Variants in GPC5 observed in about 807,000 individuals in gnomAD.
The protein encoded by GPC5 is glypican 5, also known as glypican-5.
A neutral mutation model predicts 53.9 loss-of-function variants in GPC5; 47 were observed. The ratio of observed to expected loss-of-function variants is 0.87; its 90% CI spans 0.69 to 1.11. The LOEUF is 1.11. Ranked by LOEUF, GPC5 falls within the 50% of genes most tolerant of loss-of-function variation. The pLI, the probability that GPC5 is intolerant of heterozygous loss-of-function variation, is 0.00. For synonymous variants in GPC5, 286 were observed against 263.3 expected (o/e 1.09, Z -0.84); for missense variants, 748 against 713.1 (o/e 1.05, Z -0.56).
intron 3 of GPC5, among the ~76,000 whole-genome samples, chr13:91,722,310 C>T (rs1170712743): frequency 6.6e-6 from 1 of 152,142 alleles, no homozygotes; most frequent in Non-Finnish European, 1.5e-5. Flanking sequence ...GGCCCTGCAG[C>T]CTCAGCCTGG....
intron 6 of GPC5, among the ~76,000 whole-genome samples, chr13:91,977,947 T>TAAAAAA (rs1413529700): frequency 1.1e-5 from 1 of 92,704 alleles, no homozygotes; most frequent in African/African-American, 5.5e-5. Context: ...CCGCCATCTC[T>TAAAAAA]AAAAGAAAAA....
intron 7 of GPC5, among the ~76,000 whole-genome samples, chr13:92,291,743 T>C (rs2042997897): frequency 6.6e-6 from 1 of 152,176 alleles, no homozygotes; most frequent in Admixed American, 6.5e-5. Context: ...CTTTATGAGC[T>C]GTAACACTCA....
intron 6 of GPC5, among the ~76,000 whole-genome samples, chr13:92,006,592 T>A (rs1176881502): frequency 6.6e-6 from 1 of 152,194 alleles, no homozygotes; most frequent in Non-Finnish European, 1.5e-5. Flanking sequence ...CCAAGTAAAC[T>A]CTTGATCTTG....
At chr13:92,715,231 C>T (rs1888289573) in intron 7 of GPC5, among the ~76,000 whole-genome samples, 1 of 152,136 alleles carries the variant, frequency 6.6e-6, no homozygotes, top group Non-Finnish European at 1.5e-5. Flanking sequence ...AGACTTGACT[C>T]GTCTTTTCTA....
intron 1 of GPC5, among the ~76,000 whole-genome samples, chr13:91,441,460 G>T (rs1341188404): frequency 6.6e-6 from 1 of 152,192 alleles, no homozygotes; most frequent in African/African-American, 2.4e-5. Flanking sequence ...GGTGACTGGA[G>T]AAACTATGGT....
At chr13:92,218,618 C>G (rs758925685) in intron 7 of GPC5, among the ~76,000 whole-genome samples, 1 of 152,230 alleles carries the variant, frequency 6.6e-6, no homozygotes, top group Non-Finnish European at 1.5e-5. Context: ...CCTTAAAGGT[C>G]CATAAAAATC....
chr13:92,236,229 G>T lies in GPC5; in HGVS notation c.1561+91240G>T, dbSNP rs9560992. Among the ~76,000 whole-genome samples the T allele has an allele frequency of 6.0e-3, 904 of 151,746 alleles. 15 individuals are homozygous for T. The highest frequency in any genetic ancestry group is 0.042 in the South Asian group (199 of 4,790). On this transcript the variant is annotated intron_variant, in intron 7 of 7. Coordinates refer to ENST00000377067, the MANE Select transcript of GPC5 (RefSeq NM_004466.6). ...GTACTATTGTTTTAAATATAATTTG[G>T]GTAATATTACTTAGTTTGTTATTTG...
chr13:92,379,682 C>G, intron 7 of GPC5, among the ~76,000 whole-genome samples: 1 of 151,878 alleles, frequency 6.6e-6, no homozygotes, highest in South Asian at 2.1e-4. Context: ...TAGTTCCTCT[C>G]TGTGCCCCCT....
intron 7 of GPC5, among the ~76,000 whole-genome samples, chr13:92,311,550 C>T (rs978726024): frequency 3.3e-5 from 5 of 152,160 alleles, no homozygotes; most frequent in African/African-American, 1.2e-4. Flanking sequence ...AATTGACTCA[C>T]AGTGAAGCAT....
intron 7 of GPC5, among the ~76,000 whole-genome samples, chr13:92,621,148 T>C (rs889616865): frequency 2.6e-5 from 4 of 152,098 alleles, no homozygotes; most frequent in Admixed American, 2.0e-4. Context: ...GTTGTAAGAA[T>C]GAGAAAAGAT....
intron 7 of GPC5, among the ~76,000 whole-genome samples, chr13:92,571,883 A>G (rs1186717991): frequency 1.3e-5 from 2 of 152,128 alleles, no homozygotes; most frequent in Admixed American, 6.5e-5. Flanking sequence ...TACAAAAACT[A>G]GAAAAATTAA....
At chr13:91,944,518 G>T (rs1312578715) in intron 6 of GPC5, among the ~76,000 whole-genome samples, 2 of 152,104 alleles carry the variant, frequency 1.3e-5, no homozygotes, top group Non-Finnish European at 2.9e-5. Context: ...GGCAATCAGG[G>T]AGCTAATTCC....
intron 7 of GPC5, among the ~76,000 whole-genome samples, chr13:92,269,469 G>T (rs981520844): frequency 6.6e-6 from 1 of 151,862 alleles, no homozygotes; most frequent in African/African-American, 2.4e-5. Flanking sequence ...GCAGCAGCAC[G>T]ATCTCGGCTC....
At chr13:91,477,479 T>C (rs1291050586) in intron 2 of GPC5, among the ~76,000 whole-genome samples, 1 of 152,176 alleles carries the variant, frequency 6.6e-6, no homozygotes, top group Non-Finnish European at 1.5e-5. Flanking sequence ...GTGGTATGAA[T>C]GAAACGCTTC....
rs149853022 is a variant in GPC5, at chr13:92,169,579, T to G, written c.1561+24590T>G. ...GACTTGGATACTACAAATCTTTACA[T>G]ATAAAATAAACTTTGAATTTCTTAC... On this transcript the variant is annotated intron_variant, in intron 7 of 7. Coordinates refer to ENST00000377067, the MANE Select transcript of GPC5 (RefSeq NM_004466.6). Among the ~76,000 whole-genome samples the G allele has an allele frequency of 7.2e-3, 1,103 of 152,314 alleles. 36 individuals are homozygous for G. Among genetic ancestry groups the G allele is most frequent in the Admixed American group, 0.057 (875 of 15,298 alleles).
intron 7 of GPC5, among the ~76,000 whole-genome samples, chr13:92,246,085 T>C (rs535397008): frequency 4.9e-4 from 74 of 152,252 alleles, no homozygotes; most frequent in African/African-American, 1.7e-3. Context: ...GATCTTAAGA[T>C]GAGTGTAAGA....
At chr13:91,637,420 A>C (rs1331153636) in intron 2 of GPC5, among the ~76,000 whole-genome samples, 1 of 152,210 alleles carries the variant, frequency 6.6e-6, no homozygotes, top group African/African-American at 2.4e-5. Context: ...AATGTTTTCC[A>C]GAAAAAGACA....
intron 5 of GPC5, among the ~76,000 whole-genome samples, chr13:91,776,848 T>C (rs1286038079): frequency 6.6e-6 from 1 of 152,216 alleles, no homozygotes; most frequent in Non-Finnish European, 1.5e-5. Flanking sequence ...TGTTGAAGTC[T>C]AATTTACTGT....
chr13:91,951,301 G>A (rs1049611176), intron 6 of GPC5, among the ~76,000 whole-genome samples: 8 of 151,990 alleles, frequency 5.3e-5, no homozygotes, highest in African/African-American at 9.7e-5. Flanking sequence ...CATAAAATTC[G>A]AGAATTACTA....
Sources: allele counts gnomAD v4.1 joint callset (sites outside exome capture counted in the v4.1 genomes callset), GRCh38; gene constraint gnomAD v4.1.1; transcripts MANE v1.5; gene names NCBI Gene and HGNC (gene_info 2026-07-23, HGNC 2026-07-21).